The following SLMAP variants were observed in gnomAD, a reference collection of about 807,000 sequenced individuals.
The protein encoded by SLMAP is sarcolemma associated protein.
In SLMAP, 44 loss-of-function variants were observed where a neutral mutation model predicts 128.8. That is an observed-to-expected ratio of 0.34 (90% CI 0.27 to 0.44). The LOEUF is 0.44. SLMAP is among the 20% of genes least tolerant of loss of function. The pLI, the probability that SLMAP is intolerant of heterozygous loss-of-function variation, is 1.00. For synonymous variants in SLMAP, 327 were observed against 348.8 expected, an observed-to-expected ratio of 0.94 and a Z score of 0.70; for missense variants, 787 against 985.3, an observed-to-expected ratio of 0.80 and a Z score of 2.69.
intron 2 of SLMAP, among the ~76,000 whole-genome samples, chr3:57,811,741 AAC>A (rs1425398257): frequency 1.3e-5 from 2 of 152,212 alleles, no homozygotes; most frequent in Non-Finnish European, 2.9e-5. Context: ...CATCTTTGCC[AAC>A]ACTTATTTTC....
chr3:57,790,316 A>G (rs932327747), intron 2 of SLMAP, among the ~76,000 whole-genome samples: 3 of 152,210 alleles, frequency 2.0e-5, no homozygotes, highest in Admixed American at 6.5e-5. Context: ...ACTGCTTACT[A>G]TGGGGAAGAA....
intron 13 of SLMAP, among the ~76,000 whole-genome samples, chr3:57,868,814 AT>A (rs1560329396): frequency 1.3e-4 from 16 of 127,780 alleles, no homozygotes; most frequent in African/African-American, 4.3e-4. Flanking sequence ...ATATATATAT[AT>A]ATATATAAAA....
intron 14 of SLMAP, among the ~76,000 whole-genome samples, chr3:57,875,133 G>A (rs78219593): frequency 1.8e-3 from 270 of 152,234 alleles, no homozygotes; most frequent in African/African-American, 6.2e-3. Flanking sequence ...TGAGGACTGT[G>A]TAATAGCATG....
At chr3:57,871,122 T>G (rs945644243) in intron 13 of SLMAP, among the ~76,000 whole-genome samples, 2 of 152,202 alleles carry the variant, frequency 1.3e-5, no homozygotes, top group African/African-American at 4.8e-5. Context: ...AGGTACAGAT[T>G]AAGTGACTCA....
intron 4 of SLMAP, among the ~76,000 whole-genome samples, chr3:57,841,794 T>G (rs750842314): frequency 3.3e-5 from 5 of 152,136 alleles, no homozygotes; most frequent in Non-Finnish European, 7.4e-5. Flanking sequence ...ACCAATATAG[T>G]TGTTAGCTTA....
At chr3:57,760,352 G>C (rs962140519) in intron 2 of SLMAP, among the ~76,000 whole-genome samples, 4 of 152,168 alleles carry the variant, frequency 2.6e-5, no homozygotes, top group Non-Finnish European at 4.4e-5. Flanking sequence ...CAGGCTATGA[G>C]ACCACTACTT....
intron 13 of SLMAP, among the ~76,000 whole-genome samples, chr3:57,868,253 C>T (rs1015470161): frequency 1.3e-5 from 2 of 151,828 alleles, no homozygotes; most frequent in African/African-American, 4.8e-5. Flanking sequence ...AGTGAGACCC[C>T]ATCTCAAAAA....
At chr3:57,757,889 C>CT (rs763162488) in intron 2 of SLMAP, 40 bp downstream of exon 2, 2 of 1,591,592 alleles carry the variant, frequency 1.3e-6, no homozygotes, top group East Asian at 4.5e-5. Flanking sequence ...GTTTAACAAA[C>CT]TTTTTTTCCC....
intron 19 of SLMAP, 125 bp from the exon 20 acceptor site, chr3:57,912,256 G>T (rs2096718598): frequency 7.1e-6 from 5 of 703,854 alleles, no homozygotes; most frequent in Non-Finnish European, 1.1e-5. Flanking sequence ...ATCAAACGTG[G>T]ATTGTTTATA....
intron 2 of SLMAP, among the ~76,000 whole-genome samples, chr3:57,786,157 G>A (rs2084041518): frequency 6.6e-6 from 1 of 152,206 alleles, no homozygotes; most frequent in African/African-American, 2.4e-5. Flanking sequence ...TGATAATACT[G>A]TGGTAATAAC....
At chr3:57,892,799 C>T (rs904509455) in intron 15 of SLMAP, among the ~76,000 whole-genome samples, 1 of 148,904 alleles carries the variant, frequency 6.7e-6, no homozygotes, top group African/African-American at 2.5e-5. Flanking sequence ...CACACACACA[C>T]ACACACACAC....
intron 14 of SLMAP, among the ~76,000 whole-genome samples, chr3:57,872,007 T>C (rs2095490819): frequency 6.6e-6 from 1 of 152,184 alleles, no homozygotes; most frequent in Non-Finnish European, 1.5e-5. Context: ...AAAATAATTA[T>C]TTAGTTTGGG....
intron 13 of SLMAP, among the ~76,000 whole-genome samples, chr3:57,870,351 AT>A (rs937280254): frequency 4.0e-5 from 6 of 151,646 alleles, no homozygotes; most frequent in Admixed American, 3.3e-4. Context: ...TATTTATTAG[AT>A]TTTTTTTAAA....
chr3:57,803,922 T>C lies in SLMAP; in HGVS notation c.199-27461T>C, dbSNP rs184292670. Among the ~76,000 whole-genome samples, 3 of 152,378 alleles carry C rather than the reference T, an allele frequency of 2.0e-5. No individual in the cohort carries two copies. In the East Asian group the frequency reaches 5.8e-4, roughly 29 times the overall value. On this transcript the variant is annotated intron_variant, in intron 2 of 24. Transcript: ENST00000671191. ...TAATTCTGTCACGTGCTTTCTACTC[T>C]TTACCGATTTTGCTTTAGGTGCTCA...
At position 57,916,834 on chromosome 3, in the gene SLMAP, A is replaced by G. The variant is rs1046857009; in HGVS notation, c.2139-72A>G. Reference sequence around the variant, plus strand: ...CACTCTATCCCTTCTAGTGAAATGTATAAGAAACTGGACTTCCTTCTGTGT... The same window carrying G: ...CACTCTATCCCTTCTAGTGAAATGTGTAAGAAACTGGACTTCCTTCTGTGT... On this transcript the variant is annotated intron_variant, in intron 21 of 24. Transcript: ENST00000671191. 2.3e-5 allele frequency: 28 copies of G among 1,236,892 alleles called. 1 individual carries two copies. Among genetic ancestry groups the G allele is most frequent in the Admixed American group, 4.0e-5 (2 of 50,338 alleles). 76.6% of individuals were successfully genotyped at this position (1,236,892 alleles called of 1,614,324 possible).
chr3:57,828,778 T>G (rs548826741), intron 2 of SLMAP, among the ~76,000 whole-genome samples: 1 of 152,256 alleles, frequency 6.6e-6, no homozygotes, highest in African/African-American at 2.4e-5. Context: ...GATATTGATG[T>G]AAGAAAAAAA....
At chr3:57,786,776 C>A (rs772335902) in intron 2 of SLMAP, among the ~76,000 whole-genome samples, 3 of 149,308 alleles carry the variant, frequency 2.0e-5, no homozygotes, top group African/African-American at 4.9e-5. Flanking sequence ...CTCTGTCGCC[C>A]AGGCTGGAGT....
At chr3:57,884,378 T>C (rs1268853768) in intron 14 of SLMAP, among the ~76,000 whole-genome samples, 17 of 152,140 alleles carry the variant, frequency 1.1e-4, no homozygotes, top group Admixed American at 1.1e-3. Context: ...AGCATCTCAC[T>C]GGGGAAAAGT....
At chr3:57,914,768 G>A (rs544777052) in intron 21 of SLMAP, among the ~76,000 whole-genome samples, 12 of 151,976 alleles carry the variant, frequency 7.9e-5, no homozygotes, top group African/African-American at 2.9e-4. Flanking sequence ...TTTTAGTAGA[G>A]ACGGGGTTTC....
Sources: gnomAD v4.1 joint callset for allele counts (sites outside exome capture counted in the v4.1 genomes callset) on GRCh38, gnomAD v4.1.1 for gene constraint, MANE v1.5 for transcripts, NCBI Gene and HGNC (gene_info 2026-07-23, HGNC 2026-07-21) for gene names.